PDE4D: variants seen among roughly 807,000 people sequenced by gnomAD.
PDE4D encodes phosphodiesterase 4D.
Under a neutral mutation model 87.4 loss-of-function variants are expected in PDE4D, and 24 were observed. That is an observed-to-expected ratio of 0.27 (90% CI 0.20 to 0.39). PDE4D has a LOEUF of 0.39. Among genes scored for constraint, PDE4D ranks in the 10% least tolerant of loss-of-function variants. The probability of loss-of-function intolerance (pLI) is 1.00; values close to 1 mark genes in which losing one functional copy is unlikely to be tolerated. For synonymous variants in PDE4D, 384 were observed against 383.2 expected, an observed-to-expected ratio of 1.00 and a Z score of -0.02; for missense variants, 714 against 1,041.0, an observed-to-expected ratio of 0.69 and a Z score of 4.32.
At chr5:59,601,997 T>C (rs1827575531) in intron 1 of PDE4D, among the ~76,000 whole-genome samples, 1 of 152,076 alleles carries the variant, frequency 6.6e-6, no homozygotes, top group Non-Finnish European at 1.5e-5. Context: ...CCAAAGTTTC[T>C]GATGAATATA....
intron 1 of PDE4D, among the ~76,000 whole-genome samples, chr5:59,846,574 T>C (rs185674361): frequency 6.2e-4 from 95 of 152,190 alleles, no homozygotes; most frequent in Non-Finnish European, 9.0e-4. Flanking sequence ...GTAGACCATT[T>C]AAGATATTTG....
intron 2 of PDE4D, among the ~76,000 whole-genome samples, chr5:60,139,289 C>T (rs1780317241): frequency 6.6e-6 from 1 of 151,990 alleles, no homozygotes; most frequent in African/African-American, 2.4e-5. Context: ...GGCAATGCTA[C>T]ACTCATCAGG....
At chr5:59,261,673 T>C (rs1469640455) in intron 1 of PDE4D, among the ~76,000 whole-genome samples, 1 of 151,822 alleles carries the variant, frequency 6.6e-6, no homozygotes, top group Non-Finnish European at 1.5e-5. Context: ...TCTCTACAGA[T>C]ACATTAAAAT....
chr5:59,199,914 A>G (rs1245452723), intron 2 of PDE4D, among the ~76,000 whole-genome samples: 2 of 151,896 alleles, frequency 1.3e-5, no homozygotes, highest in African/African-American at 4.8e-5. Context: ...ATATGCATGT[A>G]TATATACACA....
At chr5:59,265,157 C>T (rs1236362698) in intron 1 of PDE4D, among the ~76,000 whole-genome samples, 1 of 152,006 alleles carries the variant, frequency 6.6e-6, no homozygotes, top group Admixed American at 6.6e-5. Flanking sequence ...AGGAAAGATA[C>T]ATGGAGAAAG....
At chr5:60,470,742 T>C (rs1041132312) in intron 1 of PDE4D, among the ~76,000 whole-genome samples, 2 of 152,122 alleles carry the variant, frequency 1.3e-5, no homozygotes, top group African/African-American at 4.8e-5. Flanking sequence ...TAATTATGGT[T>C]TACCGAATTT....
At chr5:59,567,704 T>C (rs1821176393) in intron 1 of PDE4D, among the ~76,000 whole-genome samples, 1 of 152,180 alleles carries the variant, frequency 6.6e-6, no homozygotes, top group African/African-American at 2.4e-5. Context: ...TCAGTAAGGA[T>C]AAATGGAACA....
intron 1 of PDE4D, among the ~76,000 whole-genome samples, chr5:59,857,794 A>C (rs1309982285): frequency 2.0e-5 from 3 of 151,840 alleles, no homozygotes; most frequent in African/African-American, 7.3e-5. Context: ...CTCATTAACT[A>C]GATACTCAAA....
intron 1 of PDE4D, among the ~76,000 whole-genome samples, chr5:60,447,903 G>A (rs1169479484): frequency 1.3e-5 from 2 of 152,026 alleles, no homozygotes; most frequent in African/African-American, 4.8e-5. Context: ...TATCTTACTG[G>A]CCACAGTTCT....
chr5:60,451,949 A>C (rs1241139291), intron 1 of PDE4D, among the ~76,000 whole-genome samples: 3 of 152,142 alleles, frequency 2.0e-5, no homozygotes, highest in African/African-American at 7.2e-5. Context: ...GACAATAATA[A>C]AGACCTCTTC....
chr5:59,300,101 G>T (rs1216834869), intron 1 of PDE4D, among the ~76,000 whole-genome samples: 3 of 104,736 alleles, frequency 2.9e-5, no homozygotes, highest in African/African-American at 1.1e-4. Context: ...GACAGAAAAA[G>T]GGTCTGTCTC....
At chr5:60,232,741 G>A (rs1745963647) in intron 1 of PDE4D, among the ~76,000 whole-genome samples, 2 of 151,824 alleles carry the variant, frequency 1.3e-5, no homozygotes, top group Admixed American at 1.3e-4. Context: ...TTACATCCAG[G>A]CTATGGAATA....
chr5:60,105,143 T>C (rs1003715498), intron 2 of PDE4D, among the ~76,000 whole-genome samples: 2 of 152,130 alleles, frequency 1.3e-5, no homozygotes, highest in African/African-American at 4.8e-5. Context: ...ATAGCTAGAA[T>C]AACCAATACA....
intron 1 of PDE4D, among the ~76,000 whole-genome samples, chr5:59,452,282 C>G (rs146501959): frequency 6.6e-6 from 1 of 152,116 alleles, no homozygotes; most frequent in Non-Finnish European, 1.5e-5. Context: ...ACATAAGATC[C>G]GCCTCTGCCA....
chr5:60,056,831 C>T (rs745417692), intron 2 of PDE4D, among the ~76,000 whole-genome samples: 4 of 151,966 alleles, frequency 2.6e-5, no homozygotes, highest in African/African-American at 4.8e-5. Flanking sequence ...TATGCAAACA[C>T]ATACACACAC....
chr5:59,363,358 C>T lies in PDE4D; in HGVS notation c.456-147390G>A, dbSNP rs116591128. Among the ~76,000 whole-genome samples the T allele has an allele frequency of 6.0e-3, 912 of 152,252 alleles. 6 individuals are homozygous for T. Among genetic ancestry groups the T allele is most frequent in the Non-Finnish European group, 9.3e-3 (634 of 68,022 alleles). On this transcript the variant is annotated intron_variant, in intron 1 of 14. Transcript: ENST00000340635. ...TCACCACTGAGGAAACGAAGACTTA[C>T]GAAGTTGAAGTAACTTGCCCCTATG...
At chr5:59,751,622 G>C (rs924237047) in intron 1 of PDE4D, among the ~76,000 whole-genome samples, 3 of 140,684 alleles carry the variant, frequency 2.1e-5, no homozygotes, top group African/African-American at 5.8e-5. Context: ...ATGTGAGAGC[G>C]AGCGAGCGAG....
chr5:60,204,708 A>G (rs1229239110), intron 1 of PDE4D, among the ~76,000 whole-genome samples: 1 of 152,190 alleles, frequency 6.6e-6, no homozygotes, highest in East Asian at 1.9e-4. Context: ...TAAAGACTCA[A>G]TTTATTTTGT....
At chr5:60,243,457 T>C (rs1477482792) in intron 1 of PDE4D, among the ~76,000 whole-genome samples, 1 of 152,022 alleles carries the variant, frequency 6.6e-6, no homozygotes, top group Non-Finnish European at 1.5e-5. Context: ...TCCAAACTCA[T>C]TCTACGATGC....
Sources: gnomAD v4.1 joint callset for allele counts (sites outside exome capture counted in the v4.1 genomes callset) on GRCh38, gnomAD v4.1.1 for gene constraint, MANE v1.5 for transcripts, NCBI Gene and HGNC (gene_info 2026-07-23, HGNC 2026-07-21) for gene names.